CLMP: variants seen among roughly 807,000 people sequenced by gnomAD.
CLMP encodes CXADR like cell adhesion molecule.
CLMP carries 27 observed loss-of-function variants against 45.2 expected under a neutral mutation model. That is an observed-to-expected ratio of 0.60 (90% CI 0.44 to 0.82). CLMP has a LOEUF of 0.82. CLMP is among the 40% of genes least tolerant of loss of function. CLMP has a pLI of 0.00. For missense variants in CLMP, 403 were observed against 448.4 expected, an observed-to-expected ratio of 0.90 and a Z score of 0.91; for synonymous variants, 167 against 171.4, an observed-to-expected ratio of 0.97 and a Z score of 0.20.
At chr11:123,185,067 A>T (rs953435683) in intron 1 of CLMP, among the ~76,000 whole-genome samples, 10 of 152,102 alleles carry the variant, frequency 6.6e-5, no homozygotes, top group Non-Finnish European at 1.5e-4. Context: ...GATGGGAGGG[A>T]GCTGGTCAGG....
In CLMP at chr11:123,142,668, G is replaced by A. The variant is rs913946857; in HGVS notation, c.29-44716C>T. ...CGGAGTCTCGCTCTGTGCCCAGGCC[G>A]GACTGCGGACTGCAGTGGCGCAATC... On this transcript the variant is annotated intron_variant, in intron 1 of 6. Coordinates refer to ENST00000448775, the MANE Select transcript of CLMP (RefSeq NM_024769.5). Among the ~76,000 whole-genome samples the A allele has an allele frequency of 1.5e-4, 19 of 130,312 alleles. 1 individual carries two copies. The highest frequency in any genetic ancestry group is 2.4e-4 in the East Asian group (1 of 4,210). The allele number at this position is 130,312 out of a possible 152,430, so 85.5% of individuals were successfully genotyped here. A position where few individuals can be genotyped will look rare whatever the true frequency, so the allele number is the denominator to read the frequency against.
At chr11:123,129,734 TACCACTTCTCATTTG>T (rs1366948820) in intron 1 of CLMP, among the ~76,000 whole-genome samples, 1 of 147,034 alleles carries the variant, frequency 6.8e-6, no homozygotes, top group East Asian at 1.9e-4. Context: ...TATAGTTCAG[TACCACTTCTCATTTG>T]ACCACTTTAT....
chr11:123,074,565 G>T, intron 6 of CLMP, 137 bp downstream of exon 6: 1 of 859,542 alleles, frequency 1.2e-6, no homozygotes. Context: ...CCCTAGGCTG[G>T]AACTTCCTAC....
At chr11:123,144,234 GT>G (rs1441337664) in intron 1 of CLMP, among the ~76,000 whole-genome samples, 1 of 152,184 alleles carries the variant, frequency 6.6e-6, no homozygotes, top group Non-Finnish European at 1.5e-5. Flanking sequence ...TTGTTACATA[GT>G]AATAGATAAT....
intron 1 of CLMP, among the ~76,000 whole-genome samples, chr11:123,139,645 T>G (rs1239774946): frequency 1.3e-5 from 2 of 152,054 alleles, no homozygotes; most frequent in South Asian, 4.1e-4. Context: ...GCCAACATGG[T>G]GAAACCTCGT....
At chr11:123,190,001 C>CAAAAA (rs10594946) in intron 1 of CLMP, among the ~76,000 whole-genome samples, 6 of 129,494 alleles carry the variant, frequency 4.6e-5, no homozygotes, top group South Asian at 2.4e-4. Flanking sequence ...GACTCTGTCT[C>CAAAAA]AAAAAAAAAA....
chr11:123,093,054 C>G (rs1865952053), intron 2 of CLMP, among the ~76,000 whole-genome samples: 1 of 151,552 alleles, frequency 6.6e-6, no homozygotes. Context: ...ACTACAGGCA[C>G]CCGCCATCAC....
At chr11:123,111,925 TTA>T (rs200924560) in intron 1 of CLMP, among the ~76,000 whole-genome samples, 21 of 149,810 alleles carry the variant, frequency 1.4e-4, no homozygotes, top group African/African-American at 5.1e-4. Context: ...AAAGACTTAT[TTA>T]TTTTTTTAGA....
intron 1 of CLMP, among the ~76,000 whole-genome samples, chr11:123,156,771 G>A (rs750195128): frequency 1.4e-5 from 2 of 146,122 alleles, no homozygotes; most frequent in Non-Finnish European, 3.1e-5. Context: ...TCTCACAAAT[G>A]TGCTTCCTTC....
intron 1 of CLMP, among the ~76,000 whole-genome samples, chr11:123,150,500 G>GCAGGCAGGCAGGCAGGC (rs1221011014): frequency 9.6e-6 from 1 of 103,896 alleles, no homozygotes; most frequent in African/African-American, 3.8e-5. Flanking sequence ...AGGAAGGAAG[G>GCAGGCAGGCAGGCAGGC]AAGGAAGGAA....
In CLMP at chr11:123,195,072, G is replaced by T; in HGVS notation, c.-132C>A. 4.0e-6 allele frequency: 3 copies of T among 750,604 alleles called. No homozygotes were observed. The highest frequency in any genetic ancestry group is 3.7e-6 in the Non-Finnish European group (2 of 542,144). The allele number at this position is 750,604 out of a possible 1,614,324, so 46.5% of individuals were successfully genotyped here. A position where few individuals can be genotyped will look rare whatever the true frequency, so the allele number is the denominator to read the frequency against. On this transcript the variant is annotated 5_prime_UTR_variant, in exon 1 of 7. Coordinates refer to ENST00000448775, the MANE Select transcript of CLMP (RefSeq NM_024769.5). ...GCGCGCGAGGTGGCTGCAGCCATGTGCCGGGCGGGAGCCGGCCCCGCGCCC... is the reference window on the plus strand; with the variant it reads ...GCGCGCGAGGTGGCTGCAGCCATGTTCCGGGCGGGAGCCGGCCCCGCGCCC...
At chr11:123,097,290 C>CA (rs1246460793) in intron 2 of CLMP, among the ~76,000 whole-genome samples, 1 of 152,146 alleles carries the variant, frequency 6.6e-6, no homozygotes, top group Non-Finnish European at 1.5e-5. Context: ...CTCAGCCTCC[C>CA]AAGTGGCTGA....
chr11:123,105,378 TCC>T (rs1565383514), intron 1 of CLMP, among the ~76,000 whole-genome samples: 6 of 44,186 alleles, frequency 1.4e-4, no homozygotes, highest in Non-Finnish European at 8.8e-5. Context: ...CCTCCCTCCC[TCC>T]CTCCCTTCCT....
intron 5 of CLMP, among the ~76,000 whole-genome samples, chr11:123,081,308 G>A (rs1238789758): frequency 6.6e-6 from 1 of 152,130 alleles, no homozygotes; most frequent in Non-Finnish European, 1.5e-5. Flanking sequence ...TCCATGCCCT[G>A]CTTCCTTTTG....
At chr11:123,089,252 G>A (rs952952768) in intron 2 of CLMP, among the ~76,000 whole-genome samples, 2 of 151,976 alleles carry the variant, frequency 1.3e-5, no homozygotes, top group Non-Finnish European at 2.9e-5. Flanking sequence ...GGGCATGGTG[G>A]CGCATGCCTG....
intron 1 of CLMP, among the ~76,000 whole-genome samples, chr11:123,192,003 C>T (rs1240015293): frequency 6.6e-6 from 1 of 152,138 alleles, no homozygotes; most frequent in Non-Finnish European, 1.5e-5. Context: ...AAACCATGGA[C>T]AGGTGTATGG....
At chr11:123,131,262 C>G (rs886631483) in intron 1 of CLMP, among the ~76,000 whole-genome samples, 2 of 151,862 alleles carry the variant, frequency 1.3e-5, no homozygotes, top group Non-Finnish European at 2.9e-5. Flanking sequence ...ATATAAAGAG[C>G]CTAGAAATTT....
At chr11:123,152,948 T>C (rs1861359618) in intron 1 of CLMP, among the ~76,000 whole-genome samples, 1 of 152,046 alleles carries the variant, frequency 6.6e-6, no homozygotes, top group Non-Finnish European at 1.5e-5. Flanking sequence ...GAGAGAAGGA[T>C]GTTGGATAAA....
At chr11:123,134,933 G>C (rs900187469) in intron 1 of CLMP, among the ~76,000 whole-genome samples, 7 of 152,022 alleles carry the variant, frequency 4.6e-5, no homozygotes, top group Non-Finnish European at 8.8e-5. Context: ...AAATTAACTG[G>C]TTTTGAAAAT....
Sources: allele counts gnomAD v4.1 joint callset (sites outside exome capture counted in the v4.1 genomes callset), GRCh38; gene constraint gnomAD v4.1.1; transcripts MANE v1.5; gene names NCBI Gene and HGNC (gene_info 2026-07-23, HGNC 2026-07-21).